CAMTA1: variants seen among roughly 807,000 people sequenced by gnomAD.
CAMTA1 encodes calmodulin binding transcription activator 1, also known as calmodulin-binding transcription activator 1.
In CAMTA1, 27 loss-of-function variants were observed where a neutral mutation model predicts 170.9. The observed-to-expected ratio is 0.16, with a 90% CI of 0.12 to 0.22. The LOEUF (loss-of-function observed/expected upper bound fraction) is 0.22, where lower values mean the gene tolerates loss of function less well. CAMTA1 is among the 10% of genes least tolerant of loss of function. The pLI, the probability that CAMTA1 is intolerant of heterozygous loss-of-function variation, is 1.00. For missense variants in CAMTA1, 1,619 were observed against 2,217.2 expected, an observed-to-expected ratio of 0.73 and a Z score of 5.42; for synonymous variants, 833 against 891.5, an observed-to-expected ratio of 0.93 and a Z score of 1.17.
intron 3 of CAMTA1, among the ~76,000 whole-genome samples, chr1:6,871,380 T>A (rs1668367093): frequency 6.6e-6 from 1 of 152,174 alleles, no homozygotes; most frequent in Non-Finnish European, 1.5e-5. Flanking sequence ...GAAACAAATT[T>A]GCAAAAACTC....
chr1:7,746,473 A>G (rs553786271), intron 18 of CAMTA1, among the ~76,000 whole-genome samples: 2 of 152,340 alleles, frequency 1.3e-5, no homozygotes, highest in South Asian at 4.1e-4. Flanking sequence ...TGAAATTTTT[A>G]TCAAATGTTT....
At chr1:7,206,901 T>A (rs141647222) in intron 4 of CAMTA1, among the ~76,000 whole-genome samples, 5 of 152,302 alleles carry the variant, frequency 3.3e-5, no homozygotes, top group African/African-American at 1.2e-4. Flanking sequence ...GCTTCCCACA[T>A]GGACACAGTC....
intron 3 of CAMTA1, among the ~76,000 whole-genome samples, chr1:6,994,977 T>C (rs1164677958): frequency 6.6e-6 from 1 of 152,208 alleles, no homozygotes; most frequent in Non-Finnish European, 1.5e-5. Flanking sequence ...CCCGAGCTTC[T>C]TGATTCTGAA....
At chr1:7,747,499 A>G (rs1039297474) in intron 18 of CAMTA1, among the ~76,000 whole-genome samples, 4 of 152,260 alleles carry the variant, frequency 2.6e-5, no homozygotes, top group Admixed American at 1.3e-4. Flanking sequence ...TCTGCTTAAC[A>G]TTCCAATATC....
At chr1:7,089,485 C>T (rs1641188330) in intron 3 of CAMTA1, among the ~76,000 whole-genome samples, 1 of 152,158 alleles carries the variant, frequency 6.6e-6, no homozygotes, top group South Asian at 2.1e-4. Flanking sequence ...CACTCTCTCA[C>T]TCACGTGTGC....
At chr1:7,040,435 C>A (rs567511111) in intron 3 of CAMTA1, among the ~76,000 whole-genome samples, 1 of 152,154 alleles carries the variant, frequency 6.6e-6, no homozygotes, top group South Asian at 2.1e-4. Context: ...TGTAAATAAT[C>A]CACATTTTAA....
chr1:7,119,081 G>A (rs925951235), intron 4 of CAMTA1, among the ~76,000 whole-genome samples: 2 of 152,182 alleles, frequency 1.3e-5, no homozygotes, highest in African/African-American at 4.8e-5. Flanking sequence ...AGCAGGAATC[G>A]CCTTAATTCA....
intron 5 of CAMTA1, chr1:7,382,745 G>A (rs1448168546): frequency 6.6e-6 from 1 of 152,062 alleles, no homozygotes; most frequent in African/African-American, 2.4e-5. Flanking sequence ...AGAATAAAAG[G>A]ACAACAATAT....
chr1:6,818,357 T>TAAACTC (rs112079743), intron 1 of CAMTA1, among the ~76,000 whole-genome samples: 2,550 of 152,212 alleles, frequency 0.017, 34 homozygotes, highest in South Asian at 0.033. Flanking sequence ...AACAAACAAA[T>TAAACTC]AACAACAAAT....
At chr1:6,917,038 A>T (rs369233462) in intron 3 of CAMTA1, among the ~76,000 whole-genome samples, 2 of 152,290 alleles carry the variant, frequency 1.3e-5, no homozygotes, top group South Asian at 2.1e-4. Context: ...AAGCTGAGAC[A>T]TGAAGGATGA....
intron 3 of CAMTA1, among the ~76,000 whole-genome samples, chr1:6,943,136 C>A (rs1048007515): frequency 6.6e-6 from 1 of 152,092 alleles, no homozygotes; most frequent in Non-Finnish European, 1.5e-5. Context: ...CGTGGGACCC[C>A]ATTAGCAGCG....
chr1:7,743,116 A>C (rs2096830303), intron 16 of CAMTA1, among the ~76,000 whole-genome samples: 1 of 152,216 alleles, frequency 6.6e-6, no homozygotes, highest in African/African-American at 2.4e-5. Flanking sequence ...GCCTCACAAA[A>C]GTGCTGAGAT....
chr1:7,573,596 C>T (rs1057077895), intron 6 of CAMTA1, among the ~76,000 whole-genome samples: 3 of 152,224 alleles, frequency 2.0e-5, no homozygotes, highest in Admixed American at 6.5e-5. Flanking sequence ...CCGGCCTCCC[C>T]GCCTCCGCTG....
Position 6,897,622 on chromosome 1 carries a change from T to C in CAMTA1, c.234+72412T>C, listed in dbSNP as rs529341460. The stretch of plus-strand genomic sequence containing the variant: ...CTCCTGGTGAGTTTTTGAAAGGCAG[T>C]GTCTTTCCCACAGAGATTAATTAGA... On this transcript the variant is annotated intron_variant, in intron 3 of 22. Transcript: ENST00000303635. Among the ~76,000 whole-genome samples the C allele has an allele frequency of 2.6e-5, 4 of 152,346 alleles. No homozygotes were observed. The East Asian group carries it at 7.7e-4, about 29-fold the overall frequency.
At chr1:7,615,688 G>A (rs2095554588) in intron 6 of CAMTA1, among the ~76,000 whole-genome samples, 1 of 152,216 alleles carries the variant, frequency 6.6e-6, no homozygotes, top group Admixed American at 6.5e-5. Context: ...ACTTCGTTTG[G>A]AGGATGTGTG....
chr1:7,403,883 G>A (rs954801188), intron 5 of CAMTA1, among the ~76,000 whole-genome samples: 1 of 152,158 alleles, frequency 6.6e-6, no homozygotes, highest in Non-Finnish European at 1.5e-5. Context: ...GGAAATGGGT[G>A]CAGGGAGGCA....
At position 6,954,746 on chromosome 1, in the gene CAMTA1, G is replaced by A. The variant is rs545980870; in HGVS notation, c.234+129536G>A. On this transcript the variant is annotated intron_variant, in intron 3 of 22. Coordinates refer to ENST00000303635, the MANE Select transcript of CAMTA1 (RefSeq NM_015215.4). ...GTGCCTTTGAAAGCCCTGCCCCGCC[G>A]CCTGGGCAGCTGGAGTGGGAGCCAC... is the stretch of plus-strand genomic sequence containing the variant. Among the ~76,000 whole-genome samples, 3 of 152,262 alleles carry A rather than the reference G, an allele frequency of 2.0e-5. No individual in the cohort carries two copies. In the South Asian group the frequency reaches 6.2e-4, roughly 32 times the overall value.
chr1:7,367,752 T>G (rs984024320), intron 5 of CAMTA1, among the ~76,000 whole-genome samples: 1 of 152,270 alleles, frequency 6.6e-6, no homozygotes, highest in African/African-American at 2.4e-5. Flanking sequence ...CATGAGACAC[T>G]GGGCACTGAT....
chr1:6,841,414 G>A (rs560322685), intron 3 of CAMTA1, among the ~76,000 whole-genome samples: 7 of 152,256 alleles, frequency 4.6e-5, no homozygotes, highest in Admixed American at 4.6e-4. Context: ...TGGGAAGTTG[G>A]ATAAAATGAG....
Sources: gnomAD v4.1 joint callset for allele counts (sites outside exome capture counted in the v4.1 genomes callset) on GRCh38, gnomAD v4.1.1 for gene constraint, MANE v1.5 for transcripts, NCBI Gene and HGNC (gene_info 2026-07-23, HGNC 2026-07-21) for gene names.